The following ARHGEF28 variants were observed in gnomAD, a reference collection of about 807,000 sequenced individuals.
ARHGEF28 encodes 190 kDa guanine nucleotide exchange factor.
In ARHGEF28, 152 loss-of-function variants were observed where a neutral mutation model predicts 206.6. That is an observed-to-expected ratio of 0.74 (90% CI 0.64 to 0.84). The LOEUF is 0.84. ARHGEF28 is among the 40% of genes least tolerant of loss of function. The pLI is 0.00. For synonymous variants in ARHGEF28, 763 were observed against 776.4 expected, an observed-to-expected ratio of 0.98 and a Z score of 0.29; for missense variants, 2,028 against 2,073.2, an observed-to-expected ratio of 0.98 and a Z score of 0.42.
intron 4 of ARHGEF28, among the ~76,000 whole-genome samples, chr5:73,768,940 C>G: frequency 6.6e-6 from 1 of 152,002 alleles, no homozygotes; most frequent in Non-Finnish European, 1.5e-5. Context: ...GTGAATGAGG[C>G]TCACGAGATC....
rs538466947 is a variant in ARHGEF28 at position 73,858,330 on chromosome 5, A to G, written c.2047+111A>G. 249 of 1,330,510 alleles carry G rather than the reference A, an allele frequency of 1.9e-4. 1 individual carries two copies. The highest frequency in any genetic ancestry group is 2.3e-4 in the Non-Finnish European group (229 of 992,706). 82.4% of individuals were successfully genotyped at this position (1,330,510 alleles called of 1,614,324 possible). A position where few individuals can be genotyped will look rare whatever the true frequency, so the allele number is the denominator to read the frequency against. ...CATAAACCTTTTCAGTGCCACACAT[A>G]TGACTGAACCGTTTACCAAGCAAGG... On this transcript the variant is annotated intron_variant, in intron 16 of 35. Coordinates refer to ENST00000513042, the MANE Select transcript of ARHGEF28 (RefSeq NM_001177693.2).
intron 9 of ARHGEF28, chr5:73,813,668 A>C (rs1349798165): frequency 6.5e-7 from 1 of 1,535,706 alleles, no homozygotes; most frequent in East Asian, 2.4e-5. Context: ...AGGACGTCCA[A>C]ACAAGGTAGA....
At chr5:73,628,469 C>G (rs1311139815) in intron 1 of ARHGEF28, among the ~76,000 whole-genome samples, 1 of 113,544 alleles carries the variant, frequency 8.8e-6, no homozygotes, top group Non-Finnish European at 1.9e-5. Context: ...GCCTAAATTA[C>G]CTAGGCTGAC....
intron 4 of ARHGEF28, among the ~76,000 whole-genome samples, chr5:73,762,976 A>G (rs1752692500): frequency 6.6e-6 from 1 of 152,236 alleles, no homozygotes; most frequent in African/African-American, 2.4e-5. Context: ...ATTAAATGAG[A>G]TAACGCATAT....
At chr5:73,849,630 C>CTT (rs34420912) in intron 13 of ARHGEF28, among the ~76,000 whole-genome samples, 89,160 of 151,474 alleles carry the variant, frequency 0.59, 27,794 homozygotes, top group African/African-American at 0.8. Context: ...AGGCAATAAA[C>CTT]TTAATTTAAA....
At chr5:73,909,231 G>C (rs2112723957) in intron 33 of ARHGEF28, 181 bp from the exon 34 acceptor site, 1 of 801,302 alleles carries the variant, frequency 1.2e-6, no homozygotes, top group East Asian at 2.7e-5. Context: ...GACAGATGTA[G>C]ACACACCTCT....
chr5:73,904,545 T>C (rs1762448027), intron 33 of ARHGEF28, 140 bp downstream of exon 33: 5 of 885,742 alleles, frequency 5.6e-6, no homozygotes, highest in African/African-American at 1.7e-5. Context: ...CTAAGTGTGA[T>C]GTGTTGGACT....
chr5:73,659,625 G>C (rs374941356), intron 1 of ARHGEF28, among the ~76,000 whole-genome samples: 1 of 152,150 alleles, frequency 6.6e-6, no homozygotes, highest in South Asian at 2.1e-4. Flanking sequence ...TCCTATTAAT[G>C]TGATGAAAAA....
At chr5:73,659,528 CAAA>C (rs35192318) in intron 1 of ARHGEF28, among the ~76,000 whole-genome samples, 1 of 127,028 alleles carries the variant, frequency 7.9e-6, no homozygotes. Flanking sequence ...GACTCCGTCT[CAAA>C]AAAAAAAAAA....
At chr5:73,800,859 G>A (rs570356061) in intron 9 of ARHGEF28, among the ~76,000 whole-genome samples, 13 of 152,272 alleles carry the variant, frequency 8.5e-5, no homozygotes, top group African/African-American at 2.6e-4. Context: ...GAAATGACTG[G>A]AAGAACCAAA....
chr5:73,880,684 G>A (rs1290338984), intron 22 of ARHGEF28, among the ~76,000 whole-genome samples: 1 of 152,210 alleles, frequency 6.6e-6, no homozygotes, highest in East Asian at 1.9e-4. Flanking sequence ...TGTAAGCCCA[G>A]CACTTTGGGA....
intron 4 of ARHGEF28, among the ~76,000 whole-genome samples, chr5:73,770,720 A>G (rs765389708): frequency 1.3e-5 from 2 of 152,214 alleles, no homozygotes; most frequent in Non-Finnish European, 2.9e-5. Flanking sequence ...TTCATACTGA[A>G]TGAGAAAGCT....
rs1268081136 is a variant in ARHGEF28, at chr5:73,749,947, G to A, written c.144G>A (p.Glu48=). ...GSHQRHVMIA[E]RIEDNVLQSS... ...ATCAGCGACATGTCATGATTGCAGA[G>A]CGCATCGAGGATAACGTTCTCCAGT... is the stretch of plus-strand genomic sequence containing the variant. Residue 48 remains glutamate, a synonymous_variant, in exon 3 of 36, where the codon GAG becomes GAA. Transcript: ENST00000513042. The A allele has an allele frequency of 1.2e-6, 2 of 1,613,966 alleles. No individual in the cohort carries two copies. Among genetic ancestry groups the A allele is most frequent in the Admixed American group, 3.3e-5 (2 of 60,014 alleles).
At chr5:73,705,848 G>A (rs929604553) in intron 2 of ARHGEF28, among the ~76,000 whole-genome samples, 1 of 152,190 alleles carries the variant, frequency 6.6e-6, no homozygotes, top group Admixed American at 6.5e-5. Flanking sequence ...TGATAGAAAT[G>A]ACCCTGGCAG....
At chr5:73,660,580 G>A (rs1561315783) in intron 1 of ARHGEF28, among the ~76,000 whole-genome samples, 1 of 152,022 alleles carries the variant, frequency 6.6e-6, no homozygotes, top group South Asian at 2.1e-4. Flanking sequence ...CATTATTTAT[G>A]GCAACTGTAC....
chr5:73,852,680 C>A lies in ARHGEF28; in HGVS notation c.1778C>A (p.Pro593Gln), dbSNP rs756796241. 6 of 1,613,586 alleles carry A rather than the reference C, an allele frequency of 3.7e-6. No homozygotes were observed. Among genetic ancestry groups the A allele is most frequent in the Non-Finnish European group, 5.1e-6 (6 of 1,179,640 alleles). The change falls in exon 14 of 36, where the codon CCA becomes CAA. Residue 593 changes from proline (P) to glutamine (Q), a missense_variant. Coordinates refer to ENST00000513042, the MANE Select transcript of ARHGEF28 (RefSeq NM_001177693.2). ...EQRAYSLSEP[P>Q]RENRIQEEEW... Reference sequence around the variant, plus strand: ...AGAGCTTACAGCTTATCGGAGCCACCAAGAGAAAACAGGTACTTTTAACTA... The same window carrying A: ...AGAGCTTACAGCTTATCGGAGCCACAAAGAGAAAACAGGTACTTTTAACTA...
Position 73,832,381 on chromosome 5 carries a change from A to G in ARHGEF28, c.1068A>G (p.Thr356=), listed in dbSNP as rs1488122322. The G allele has an allele frequency of 1.4e-5, 22 of 1,612,612 alleles. No homozygotes were observed. The highest frequency in any genetic ancestry group is 1.7e-5 in the Non-Finnish European group (20 of 1,179,378). ...TAAAAAAATCCAAGCCGCCCTCGAC[A>G]TTGCTTGCTGCAGGCCGGCTTTCAG... is the stretch of plus-strand genomic sequence containing the variant. The part of the protein sequence containing the change: ...DILKKSKPPS[T]LLAAGRLSDM... The change falls in exon 10 of 36, where the codon ACA becomes ACG. Residue 356 remains threonine, a synonymous_variant. Transcript: ENST00000513042.
At position 73,704,031 on chromosome 5, in the gene ARHGEF28, A is replaced by T. The variant is rs560836634; in HGVS notation, c.33+19147A>T. Among the ~76,000 whole-genome samples, 415 of 151,666 alleles carry T rather than the reference A, an allele frequency of 2.7e-3. 3 individuals carry two copies. Among genetic ancestry groups the T allele is most frequent in the Admixed American group, 5.5e-3 (83 of 15,222 alleles). ...AGAGTGAGACTCTGTCTAAAAAAAAAAAAAATTGTAAAAATAAAAGTCACT... is the reference window on the plus strand; with the variant it reads ...AGAGTGAGACTCTGTCTAAAAAAAATAAAAATTGTAAAAATAAAAGTCACT... On this transcript the variant is annotated intron_variant, in intron 2 of 35. Transcript: ENST00000513042.
chr5:73,817,230 G>C (rs1352240961), intron 9 of ARHGEF28, among the ~76,000 whole-genome samples: 1 of 152,160 alleles, frequency 6.6e-6, no homozygotes, highest in Non-Finnish European at 1.5e-5. Flanking sequence ...GTGACACATA[G>C]TGTGAACATT....
Sources: gnomAD v4.1 joint callset for allele counts (sites outside exome capture counted in the v4.1 genomes callset) on GRCh38, gnomAD v4.1.1 for gene constraint, MANE v1.5 for transcripts, NCBI Gene and HGNC (gene_info 2026-07-23, HGNC 2026-07-21) for gene names.